Variants in ANKRD44 observed in about 807,000 individuals in gnomAD.
ANKRD44 encodes the protein serine/threonine-protein phosphatase 6 regulatory ankyrin repeat subunit B.
In ANKRD44, 35 loss-of-function variants were observed where a neutral mutation model predicts 116.0. That is an observed-to-expected ratio of 0.30 (90% CI 0.23 to 0.40). The LOEUF (loss-of-function observed/expected upper bound fraction) is 0.40. Among genes scored for constraint, ANKRD44 ranks in the 10% least tolerant of loss-of-function variants. The pLI is 1.00. For synonymous variants in ANKRD44, 435 were observed against 461.8 expected, an observed-to-expected ratio of 0.94 and a Z score of 0.74; for missense variants, 1,014 against 1,242.6, an observed-to-expected ratio of 0.82 and a Z score of 2.77.
At chr2:197,026,926 CCA>C (rs2076606416) in intron 16 of ANKRD44, among the ~76,000 whole-genome samples, 1 of 151,816 alleles carries the variant, frequency 6.6e-6, no homozygotes, top group Non-Finnish European at 1.5e-5. Flanking sequence ...AGGATGACGC[CCA>C]GTTTTTGTCC....
chr2:197,258,571 C>T (rs530645907), intron 1 of ANKRD44, among the ~76,000 whole-genome samples: 4 of 152,192 alleles, frequency 2.6e-5, no homozygotes, highest in Non-Finnish European at 4.4e-5. Flanking sequence ...TATCTGTTCA[C>T]CTCTCTGCTT....
At chr2:197,141,059 A>G (rs1025097589) in intron 3 of ANKRD44, among the ~76,000 whole-genome samples, 4 of 152,142 alleles carry the variant, frequency 2.6e-5, no homozygotes, top group African/African-American at 9.7e-5. Context: ...TCCACTAAAG[A>G]TACAAAAATT....
At chr2:197,123,988 AACTGT>A (rs900953268) in intron 6 of ANKRD44, among the ~76,000 whole-genome samples, 1 of 152,182 alleles carries the variant, frequency 6.6e-6, no homozygotes, top group African/African-American at 2.4e-5. Flanking sequence ...CAAATGCTTT[AACTGT>A]ATATACATCA....
At chr2:197,128,219 A>G (rs955978472) in intron 4 of ANKRD44, among the ~76,000 whole-genome samples, 4 of 152,222 alleles carry the variant, frequency 2.6e-5, no homozygotes, top group Admixed American at 2.0e-4. Flanking sequence ...AAGTCACCAC[A>G]CTGTCTTCCA....
chr2:197,122,830 T>C, intron 6 of ANKRD44, 38 bp from the exon 7 acceptor site: 1 of 1,599,248 alleles, frequency 6.3e-7, no homozygotes. Flanking sequence ...CGTTAACCTT[T>C]ATAGGACAAT....
chr2:197,142,678 A>G (rs2079395341), intron 3 of ANKRD44, among the ~76,000 whole-genome samples: 1 of 152,208 alleles, frequency 6.6e-6, no homozygotes, highest in Non-Finnish European at 1.5e-5. Flanking sequence ...CCCCTCTTTC[A>G]CCAGATAAAA....
At chr2:197,255,695 G>A (rs1422612045) in intron 1 of ANKRD44, among the ~76,000 whole-genome samples, 2 of 152,216 alleles carry the variant, frequency 1.3e-5, no homozygotes, top group Non-Finnish European at 2.9e-5. Flanking sequence ...GTGGTAAGAG[G>A]CGGCCCCCTG....
chr2:197,008,050 C>G, intron 19 of ANKRD44, 127 bp from the exon 20 acceptor site: 1 of 669,876 alleles, frequency 1.5e-6, no homozygotes, highest in East Asian at 2.7e-5. Context: ...TTAATATTTT[C>G]TAAGTGTCCC....
At chr2:197,288,019 C>CAAAAAAA (rs10666895) in intron 1 of ANKRD44, among the ~76,000 whole-genome samples, 1 of 81,760 alleles carries the variant, frequency 1.2e-5, no homozygotes, top group Admixed American at 1.5e-4. Context: ...GACTCAGTCT[C>CAAAAAAA]AAAAAAAAAA....
intron 2 of ANKRD44, among the ~76,000 whole-genome samples, chr2:197,151,970 G>A (rs1280179655): frequency 6.6e-6 from 1 of 152,142 alleles, no homozygotes; most frequent in Non-Finnish European, 1.5e-5. Context: ...CTTCTGAATT[G>A]GGAATTAAAC....
At chr2:197,256,752 C>T (rs2082457481) in intron 1 of ANKRD44, among the ~76,000 whole-genome samples, 1 of 152,224 alleles carries the variant, frequency 6.6e-6, no homozygotes, top group Non-Finnish European at 1.5e-5. Context: ...ATGTAAGGCC[C>T]TGTGTATAAA....
At chr2:197,048,911 T>C (rs923871682) in intron 16 of ANKRD44, among the ~76,000 whole-genome samples, 1 of 152,250 alleles carries the variant, frequency 6.6e-6, no homozygotes, top group African/African-American at 2.4e-5. Flanking sequence ...ATTGTGGTTT[T>C]GATTTGCATT....
chr2:197,222,821 T>TA (rs11393151), intron 1 of ANKRD44, among the ~76,000 whole-genome samples: 1 of 75,308 alleles, frequency 1.3e-5, no homozygotes, highest in African/African-American at 1.2e-4. Flanking sequence ...TATTTATTTA[T>TA]TTTTTTTTTG....
intron 16 of ANKRD44, among the ~76,000 whole-genome samples, chr2:197,056,835 T>C (rs1162072692): frequency 1.3e-5 from 2 of 152,230 alleles, no homozygotes; most frequent in African/African-American, 2.4e-5. Flanking sequence ...AGGAAAGATT[T>C]ATTTCTCCTA....
intron 9 of ANKRD44, among the ~76,000 whole-genome samples, chr2:197,101,945 T>G: frequency 6.6e-6 from 1 of 152,220 alleles, no homozygotes; most frequent in East Asian, 1.9e-4. Flanking sequence ...AAAGTCATAT[T>G]TTTGAAAAGG....
intron 16 of ANKRD44, among the ~76,000 whole-genome samples, chr2:197,064,644 G>A (rs1415356300): frequency 1.3e-5 from 2 of 152,118 alleles, no homozygotes; most frequent in African/African-American, 4.8e-5. Flanking sequence ...AAAGGCAGGG[G>A]TTGCAATCCT....
intron 21 of ANKRD44, among the ~76,000 whole-genome samples, chr2:196,967,946 G>A (rs1404042720): frequency 1.9e-5 from 2 of 105,570 alleles, no homozygotes; most frequent in African/African-American, 5.9e-5. Flanking sequence ...TCTCTCACTT[G>A]CTCTTGCTCT....
At chr2:197,148,795 G>A (rs1418674952) in intron 2 of ANKRD44, among the ~76,000 whole-genome samples, 1 of 152,182 alleles carries the variant, frequency 6.6e-6, no homozygotes, top group Admixed American at 6.5e-5. Flanking sequence ...GTCTATGTAT[G>A]GCTGCAGGCA....
intron 1 of ANKRD44, among the ~76,000 whole-genome samples, chr2:197,249,250 G>A (rs141237451): frequency 4.5e-4 from 69 of 152,216 alleles, no homozygotes; most frequent in African/African-American, 1.6e-3. Context: ...TCCAGCCTGG[G>A]CAACAGAGTG....
Sources: gnomAD v4.1 joint callset for allele counts (sites outside exome capture counted in the v4.1 genomes callset) on GRCh38, gnomAD v4.1.1 for gene constraint, MANE v1.5 for transcripts, NCBI Gene and HGNC (gene_info 2026-07-23, HGNC 2026-07-21) for gene names.